The following DNTTIP2 variants were observed in gnomAD, a reference collection of about 807,000 sequenced individuals.
DNTTIP2 encodes deoxynucleotidyltransferase terminal-interacting protein 2.
In DNTTIP2, 47 loss-of-function variants were observed where a neutral mutation model predicts 62.4. The ratio of observed to expected loss-of-function variants is 0.75; its 90% CI spans 0.60 to 0.96. The LOEUF is 0.96. Ranked by LOEUF, DNTTIP2 falls within the 40% of genes least tolerant of loss-of-function variation. The pLI is 0.00. For synonymous variants in DNTTIP2, 322 were observed against 300.9 expected (o/e 1.07, Z -0.73); for missense variants, 870 against 849.1 (o/e 1.02, Z -0.31).
intron 1 of DNTTIP2, chr1:93,878,833 T>C: frequency 1.9e-6 from 1 of 513,338 alleles, no homozygotes. Context: ...ATTAAGGAGT[T>C]GAACGACCCA....
Position 93,876,672 on chromosome 1 carries a change from T to C in DNTTIP2, c.1263A>G (p.Glu421=). The part of the protein sequence containing the change: ...DMNSEGNVDF[E]CDTKLYTSAP... The stretch of plus-strand genomic sequence containing the variant: ...CAGACGTGTATAGTTTGGTATCACA[T>C]TCAAAATCTACATTCCCTTCACTGT... The change falls in exon 2 of 7, where the codon GAA becomes GAG. Residue 421 remains glutamate (E), a synonymous_variant. Transcript: ENST00000436063. 3 of 1,614,040 alleles carry C rather than the reference T, an allele frequency of 1.9e-6. No homozygotes were observed. The highest frequency in any genetic ancestry group is 2.5e-6 in the Non-Finnish European group (3 of 1,179,894).
rs1437599849 is a variant in DNTTIP2, at chr1:93,867,079, T to C, written c.*2772A>G. Reference sequence around the variant, plus strand: ...ATTGCTTGAACCCGGGAGGCGGAGGTTGCAGTGAACCAAGATCATGCCACT... The same window carrying C: ...ATTGCTTGAACCCGGGAGGCGGAGGCTGCAGTGAACCAAGATCATGCCACT... On this transcript the variant is annotated 3_prime_UTR_variant, in exon 7 of 7. Transcript: ENST00000436063. The C allele has an allele frequency of 1.4e-5, 2 of 145,120 alleles. No individual in the cohort carries two copies. Among genetic ancestry groups the C allele is most frequent in the Admixed American group, 7.0e-5 (1 of 14,236 alleles). 9.0% of individuals were successfully genotyped at this position (145,120 alleles called of 1,614,324 possible).
In DNTTIP2 at chr1:93,873,605, C is replaced by A. The variant is rs533775586; in HGVS notation, c.1807-391G>T. ...GACAGAGTGAGACCCTGTCTCCCCC[C>A]AAACCCAGCTCCCTCCCAAAAAAAA... On this transcript the variant is annotated intron_variant, in intron 3 of 6. Coordinates refer to ENST00000436063, the MANE Select transcript of DNTTIP2 (RefSeq NM_014597.5). 4.4e-3 allele frequency among the ~76,000 whole-genome samples: 647 copies of A among 145,568 alleles called. 7 individuals carry two copies. Among genetic ancestry groups the A allele is most frequent in the African/African-American group, 0.015 (613 of 39,672 alleles).
rs1655811162 is a variant in DNTTIP2, at chr1:93,869,823, TA to T, written c.*27del. The T allele has an allele frequency of 1.3e-6, 1 of 777,042 alleles. No individual in the cohort carries two copies. Among genetic ancestry groups the T allele is most frequent in the East Asian group, 2.4e-5 (1 of 41,176 alleles). 48.1% of individuals were successfully genotyped at this position (777,042 alleles called of 1,614,324 possible). On this transcript the variant is annotated 3_prime_UTR_variant, in exon 7 of 7. Transcript: ENST00000436063. The stretch of plus-strand genomic sequence containing the variant: ...TTAATAAGTAAATAAAGGAGCAATG[TA>T]AAATGTTGCAGTTTGCTTGGTAAAT...
Position 93,877,265 on chromosome 1 carries a change from C to A in DNTTIP2, c.670G>T (p.Gly224Ter). ...GTACCCACGATCTGTTTCTCATTTC[C>A]TGGTACAATCTTACTATCTTTCTTT... Reference protein sequence around the residue: ...TEKKDSKIVPGNEKQIVGTPV... With the variant: ...TEKKDSKIVP The change falls in exon 2 of 7, where the codon GGA becomes TGA. Residue 224 changes from glycine to a stop codon, truncating the protein, a stop_gained. Transcript: ENST00000436063. LOFTEE classifies it high-confidence loss of function. 6.2e-7 allele frequency: 1 copy of A among 1,613,854 alleles called. No individual in the cohort carries two copies. The highest frequency in any genetic ancestry group is 8.5e-7 in the Non-Finnish European group (1 of 1,179,850).
chr1:93,878,947 C>A, intron 1 of DNTTIP2, 130 bp downstream of exon 1: 1 of 1,259,616 alleles, frequency 7.9e-7, no homozygotes, highest in African/African-American at 1.5e-5. Context: ...CCTGGGAGAC[C>A]CAAGCGCGCG....
chr1:93,872,325 T>C, intron 4 of DNTTIP2, 89 bp from the exon 5 acceptor site: 2 of 1,327,028 alleles, frequency 1.5e-6, no homozygotes, highest in South Asian at 1.5e-5. Context: ...TACAGAAAAT[T>C]TTGTAAATTA....
At chr1:93,878,155 T>A (rs1656065013) in intron 1 of DNTTIP2, among the ~76,000 whole-genome samples, 3 of 151,878 alleles carry the variant, frequency 2.0e-5, no homozygotes, top group African/African-American at 4.8e-5. Context: ...AGTAAAAAAA[T>A]TAGCGGGGCG....
chr1:93,868,393 TTGG>T lies in DNTTIP2; in HGVS notation c.*1455_*1457del, dbSNP rs1655771900. On this transcript the variant is annotated 3_prime_UTR_variant, in exon 7 of 7. Coordinates refer to ENST00000436063, the MANE Select transcript of DNTTIP2 (RefSeq NM_014597.5). The stretch of plus-strand genomic sequence containing the variant: ...GAGAACTAGGAACACTTTTACACTG[TTGG>T]TGGGAGTGTAAACTAGTTCAACCAT... 1 of 152,160 alleles carries T rather than the reference TTGG, an allele frequency of 6.6e-6. No homozygotes were observed. Among genetic ancestry groups the T allele is most frequent in the Non-Finnish European group, 1.5e-5 (1 of 68,026 alleles). The allele number at this position is 152,160 out of a possible 1,614,324, so 9.4% of individuals were successfully genotyped here.
chr1:93,877,161 T>A lies in DNTTIP2; in HGVS notation c.774A>T (p.Pro258=), dbSNP rs1656032903. ...QARSLSEINK[P]NFYNNDFDDD... ...CATCAAAGTCATTATTATAGAAATT[T>A]GGCTTATTTATCTCAGAAAGAGATC... is the stretch of plus-strand genomic sequence containing the variant. The change falls in exon 2 of 7, where the codon CCA becomes CCT. Residue 258 remains proline, a synonymous_variant. Transcript: ENST00000436063. 6.2e-7 allele frequency: 1 copy of A among 1,613,214 alleles called. No homozygotes were observed.
intron 2 of DNTTIP2, 150 bp from the exon 3 acceptor site, chr1:93,875,933 GA>G (rs201397149): frequency 5.1e-6 from 4 of 779,556 alleles, no homozygotes; most frequent in African/African-American, 1.8e-5. Flanking sequence ...AGGAATTCCT[GA>G]AAAAAAACTC....
chr1:93,877,809 A>C lies in DNTTIP2; in HGVS notation c.126T>G (p.Asp42Glu). The C allele has an allele frequency of 6.2e-7, 1 of 1,606,580 alleles. No individual in the cohort carries two copies. Among genetic ancestry groups the C allele is most frequent in the Non-Finnish European group, 8.5e-7 (1 of 1,179,860 alleles). ...QAHPESSTGS[D>E]ARTTAESQTT... is the part of the protein sequence containing the mutation. ...TCTGTGATTCAGCAGTAGTTCGGGC[A>C]TCAGATCCAGTACTACTTTCTGGAT... is the stretch of plus-strand genomic sequence containing the variant. Residue 42 changes from aspartate (D) to glutamate (E), a missense_variant, in exon 2 of 7, where the codon GAT (aspartate) becomes GAG (glutamate). Transcript: ENST00000436063.
chr1:93,876,749 C>T lies in DNTTIP2; in HGVS notation c.1186G>A (p.Gly396Ser). 1 of 1,613,974 alleles carries T rather than the reference C, an allele frequency of 6.2e-7. No individual in the cohort carries two copies. Among genetic ancestry groups the T allele is most frequent in the Non-Finnish European group, 8.5e-7 (1 of 1,179,878 alleles). The stretch of plus-strand genomic sequence containing the variant: ...GTGGACTCTTCTTCATCATCACTAC[C>T]ACCACAATCACCAAACTTTGTCAAG... The part of the protein sequence containing the change: ...SDLTKFGDCG[G>S]SDDEEESTVI... Residue 396 changes from glycine (G) to serine (S), a missense_variant, in exon 2 of 7, where the codon GGT becomes AGT. Gly to Ser is a moderately conservative substitution (Grantham distance 56, BLOSUM62 0). Coordinates refer to ENST00000436063, the MANE Select transcript of DNTTIP2 (RefSeq NM_014597.5).
At position 93,877,716 on chromosome 1, in the gene DNTTIP2, G is replaced by A; in HGVS notation, c.219C>T (p.Gly73=). 5 of 1,613,956 alleles carry A rather than the reference G, an allele frequency of 3.1e-6. No homozygotes were observed. The highest frequency in any genetic ancestry group is 4.2e-6 in the Non-Finnish European group (5 of 1,179,898). Residue 73 remains glycine, a synonymous_variant, in exon 2 of 7, where the codon GGC becomes GGT. Transcript: ENST00000436063. ...KARKRKSRTT[G]SLPKGTEPST... ...ATGGTTCAGTCCCCTTTGGTAGTGA[G>A]CCTGTAGTTCTGCTCTTCCTCTTTC... is the stretch of plus-strand genomic sequence containing the variant.
At chr1:93,873,078 C>G in intron 4 of DNTTIP2, 41 bp downstream of exon 4, 1 of 1,402,080 alleles carries the variant, frequency 7.1e-7, no homozygotes, top group Non-Finnish European at 1.0e-6. Context: ...AAATATATAG[C>G]CAAACATATC....
Position 93,879,061 on chromosome 1 carries a change from A to C in DNTTIP2, c.72+16T>G. 1 of 1,613,320 alleles carries C rather than the reference A, an allele frequency of 6.2e-7. No individual in the cohort carries two copies. The highest frequency in any genetic ancestry group is 1.1e-5 in the South Asian group (1 of 91,084). On this transcript the variant is annotated intron_variant, in intron 1 of 6. Coordinates refer to ENST00000436063, the MANE Select transcript of DNTTIP2 (RefSeq NM_014597.5). Reference sequence around the variant, plus strand: ...TCTGCGAAGCGGCGAGAAGTAGGGAAGACTGGATTTCCTACCTTTTGCCCG... The same window carrying C: ...TCTGCGAAGCGGCGAGAAGTAGGGACGACTGGATTTCCTACCTTTTGCCCG...
At position 93,870,808 on chromosome 1, in the gene DNTTIP2, T is replaced by A; in HGVS notation, c.2068-16A>T. On this transcript the variant is annotated splice_polypyrimidine_tract_variant and intron_variant, in intron 5 of 6. Transcript: ENST00000436063. ...TGGTTCCAATCTGTGAACAATTGATTGAAATAAGTCATGCATTGAGTGCCA... is the reference window on the plus strand; with the variant it reads ...TGGTTCCAATCTGTGAACAATTGATAGAAATAAGTCATGCATTGAGTGCCA... The A allele has an allele frequency of 7.0e-7, 1 of 1,436,430 alleles. No individual in the cohort carries two copies. The highest frequency in any genetic ancestry group is 9.5e-7 in the Non-Finnish European group (1 of 1,056,616). 89.0% of individuals were successfully genotyped at this position (1,436,430 alleles called of 1,614,324 possible).
Position 93,877,210 on chromosome 1 carries a change from C to T in DNTTIP2, c.725G>A (p.Arg242Lys). 6.2e-7 allele frequency: 1 copy of T among 1,613,860 alleles called. No individual in the cohort carries two copies. Among genetic ancestry groups the T allele is most frequent in the Non-Finnish European group, 8.5e-7 (1 of 1,179,884 alleles). Reference sequence around the variant, plus strand: ...TCTTGCTTGTAAATGGGAAGTTTGTCTGGTATCTGAATCCTCTGAATTCAC... The same window carrying T: ...TCTTGCTTGTAAATGGGAAGTTTGTTTGGTATCTGAATCCTCTGAATTCAC... ...TPVNSEDSDT[R>K]QTSHLQARSL... Residue 242 changes from arginine (R) to lysine (K), a missense_variant, in exon 2 of 7, where the codon AGA becomes AAA. By Grantham distance (26) the Arg-to-Lys change is conservative. Transcript: ENST00000436063.
chr1:93,871,197 T>C (rs960670173), intron 5 of DNTTIP2, among the ~76,000 whole-genome samples: 2 of 152,228 alleles, frequency 1.3e-5, no homozygotes, highest in African/African-American at 4.8e-5. Flanking sequence ...TCATTCTGTA[T>C]TTGTTCATAC....
Sources: gnomAD v4.1 joint callset for allele counts (sites outside exome capture counted in the v4.1 genomes callset) on GRCh38, gnomAD v4.1.1 for gene constraint, MANE v1.5 for transcripts, NCBI Gene and HGNC (gene_info 2026-07-23, HGNC 2026-07-21) for gene names.